The following RGS18 variants were observed in gnomAD, a reference collection of about 807,000 sequenced individuals.
RGS18 encodes the protein regulator of G protein signaling 18.
A neutral mutation model predicts 27.6 loss-of-function variants in RGS18; 22 were observed. That is an observed-to-expected ratio of 0.80 (90% CI 0.57 to 1.14). The LOEUF (loss-of-function observed/expected upper bound fraction) is 1.14. Ranked by LOEUF, RGS18 falls within the 50% of genes most tolerant of loss-of-function variation. RGS18 has a pLI of 0.00. For synonymous variants in RGS18, 89 were observed against 84.6 expected (o/e 1.05, Z -0.29); for missense variants, 299 against 269.6 (o/e 1.11, Z -0.76).
At chr1:192,168,376 A>G (rs911649469) in intron 3 of RGS18, 1 of 152,180 alleles carries the variant, frequency 6.6e-6, no homozygotes, top group Non-Finnish European at 1.5e-5. Flanking sequence ...TATTATGCCA[A>G]CAAAATCCAT....
chr1:192,167,661 C>T (rs1052073148), intron 3 of RGS18: 1 of 152,084 alleles, frequency 6.6e-6, no homozygotes, highest in Non-Finnish European at 1.5e-5. Flanking sequence ...CCTAGTGATC[C>T]ACCTGCCTCG....
At chr1:192,165,458 G>A (rs1031808574) in intron 3 of RGS18, among the ~76,000 whole-genome samples, 24 of 152,192 alleles carry the variant, frequency 1.6e-4, no homozygotes, top group African/African-American at 5.1e-4. Flanking sequence ...CACTGTGTTC[G>A]TACACTCCCT....
intron 3 of RGS18, among the ~76,000 whole-genome samples, chr1:192,172,269 A>T (rs1488894465): frequency 1.3e-5 from 2 of 152,022 alleles, no homozygotes; most frequent in Non-Finnish European, 2.9e-5. Flanking sequence ...GTTTTCAGCA[A>T]TAGTGAGTTT....
intron 3 of RGS18, among the ~76,000 whole-genome samples, chr1:192,172,632 A>G (rs1212900147): frequency 6.6e-6 from 1 of 151,888 alleles, no homozygotes; most frequent in Non-Finnish European, 1.5e-5. Flanking sequence ...AGCCAGCAGC[A>G]GAGTCAGGTC....
chr1:192,162,142 T>G (rs1656084254), intron 3 of RGS18, among the ~76,000 whole-genome samples: 1 of 152,224 alleles, frequency 6.6e-6, no homozygotes, highest in African/African-American at 2.4e-5. Flanking sequence ...TATATTTCAC[T>G]CTAAGACTAG....
intron 2 of RGS18, 27 bp downstream of exon 2, chr1:192,159,348 A>G: frequency 6.8e-7 from 1 of 1,481,010 alleles, no homozygotes; most frequent in Non-Finnish European, 9.4e-7. Flanking sequence ...TATTTTGAGG[A>G]AGATTTTGCT....
chr1:192,163,547 A>G (rs762597148), intron 3 of RGS18: 1 of 152,150 alleles, frequency 6.6e-6, no homozygotes, highest in Non-Finnish European at 1.5e-5. Flanking sequence ...TACTGGTAAT[A>G]TTGAAGAACA....
chr1:192,184,539 T>C lies in RGS18; in HGVS notation c.693T>C (p.Val231=). 1 of 1,610,662 alleles carries C rather than the reference T, an allele frequency of 6.2e-7. No homozygotes were observed. Among genetic ancestry groups the C allele is most frequent in the Non-Finnish European group, 8.5e-7 (1 of 1,177,860 alleles). The part of the protein sequence containing the change: ...CNEFQDVQSD[V]AIWL ...AATTCCAAGATGTACAATCAGATGT[T>C]GCCATTTGGTTATAAAGAAAATTGA... Residue 231 remains valine (V), a synonymous_variant, in exon 5 of 5, where the codon GTT becomes GTC. Coordinates refer to ENST00000367460, the MANE Select transcript of RGS18 (RefSeq NM_130782.3).
chr1:192,165,530 C>A (rs889922414), intron 3 of RGS18, among the ~76,000 whole-genome samples: 1 of 152,166 alleles, frequency 6.6e-6, no homozygotes, highest in Non-Finnish European at 1.5e-5. Context: ...ATCACGGAAC[C>A]TGCCGATGTG....
chr1:192,182,334 C>T (rs535999240), intron 4 of RGS18, among the ~76,000 whole-genome samples: 3 of 151,706 alleles, frequency 2.0e-5, no homozygotes, highest in Admixed American at 1.3e-4. Context: ...CCTTTCTCCA[C>T]ATCCTCACCA....
Position 192,183,715 on chromosome 1 carries a change from T to G in RGS18, c.451-582T>G, listed in dbSNP as rs144492959. 1.2e-3 allele frequency among the ~76,000 whole-genome samples: 184 copies of G among 151,734 alleles called. 3 individuals carry two copies. Among genetic ancestry groups the G allele is most frequent in the African/African-American group, 4.2e-3 (175 of 41,480 alleles). On this transcript the variant is annotated intron_variant, in intron 4 of 4. Transcript: ENST00000367460. ...AATTGTTTACTAACAAATGAATGGA[T>G]AAATGAAACGTGGTGTACCTATAGA...
intron 3 of RGS18, chr1:192,169,203 T>C (rs1656214792): frequency 6.6e-6 from 1 of 152,196 alleles, no homozygotes; most frequent in Non-Finnish European, 1.5e-5. Context: ...ATAGAAGTAA[T>C]GGTCATATTC....
intron 3 of RGS18, among the ~76,000 whole-genome samples, chr1:192,173,553 A>G (rs1165913401): frequency 6.6e-6 from 1 of 151,828 alleles, no homozygotes; most frequent in Non-Finnish European, 1.5e-5. Context: ...TGTTTGATGG[A>G]ATTTACTAAA....
At position 192,158,648 on chromosome 1, in the gene RGS18, C is replaced by T; in HGVS notation, c.11C>T (p.Thr4Ile). Residue 4 changes from threonine to isoleucine, a missense_variant, in exon 1 of 5, where the codon ACA becomes ATA. Physicochemically the swap from Thr to Ile is moderately conservative, Grantham distance 89 (BLOSUM62 -1). Transcript: ENST00000367460. The stretch of plus-strand genomic sequence containing the variant: ...CATTTTAGAGAGAAGATGGAAACAA[C>T]ATTGCTTTTCTTTTCTCAAATAAAT... MET[T>I]LLFFSQINMC... 1 of 1,562,622 alleles carries T rather than the reference C, an allele frequency of 6.4e-7. No individual in the cohort carries two copies. The highest frequency in any genetic ancestry group is 1.3e-5 in the South Asian group (1 of 79,254).
At chr1:192,158,828 T>G (rs1656018360) in intron 1 of RGS18, 72 bp downstream of exon 1, 2 of 1,061,446 alleles carry the variant, frequency 1.9e-6, no homozygotes, top group African/African-American at 3.3e-5. Flanking sequence ...TCATTACCTC[T>G]TGTTTTTGAA....
At position 192,185,331 on chromosome 1, in the gene RGS18, G is replaced by A. The variant is rs79237493; in HGVS notation, c.*777G>A. Reference sequence around the variant, plus strand: ...GAACTAAGTAGACTACCTTATCACCGGCTAAGAAAACTTGCTACTAAACTA... The same window carrying A: ...GAACTAAGTAGACTACCTTATCACCAGCTAAGAAAACTTGCTACTAAACTA... On this transcript the variant is annotated 3_prime_UTR_variant, in exon 5 of 5. Coordinates refer to ENST00000367460, the MANE Select transcript of RGS18 (RefSeq NM_130782.3). 625 of 151,600 alleles carry A rather than the reference G, an allele frequency of 4.1e-3. 36 individuals carry two copies. In the East Asian group the frequency reaches 0.12, roughly 28 times the overall value. The allele number at this position is 151,600 out of a possible 1,614,324, so 9.4% of individuals were successfully genotyped here.
At position 192,184,557 on chromosome 1, in the gene RGS18, A is replaced by G. The variant is rs530885463; in HGVS notation, c.*3A>G. 80 of 1,608,782 alleles carry G rather than the reference A, an allele frequency of 5.0e-5. No individual in the cohort carries two copies. Among genetic ancestry groups the G allele is most frequent in the Non-Finnish European group, 6.5e-5 (77 of 1,176,562 alleles). On this transcript the variant is annotated 3_prime_UTR_variant, in exon 5 of 5. Transcript: ENST00000367460. ...CAGATGTTGCCATTTGGTTATAAAG[A>G]AAATTGATTTTGCTCATTTTTATGA...
At chr1:192,181,503 T>G (rs776082946) in intron 4 of RGS18, 45 bp downstream of exon 4, 1 of 1,253,250 alleles carries the variant, frequency 8.0e-7, no homozygotes, top group Non-Finnish European at 1.1e-6. Flanking sequence ...CTTTCAAAAT[T>G]TTTTAATAAT....
chr1:192,159,138 A>G, intron 1 of RGS18, 82 bp from the exon 2 acceptor site: 2 of 931,594 alleles, frequency 2.1e-6, no homozygotes, highest in Non-Finnish European at 1.7e-6. Flanking sequence ...GTTTTTACCA[A>G]CTACAAAATT....
Sources: allele counts gnomAD v4.1 joint callset (sites outside exome capture counted in the v4.1 genomes callset), GRCh38; gene constraint gnomAD v4.1.1; transcripts MANE v1.5; gene names NCBI Gene and HGNC (gene_info 2026-07-23, HGNC 2026-07-21).